Variants in PEG3 observed in about 807,000 individuals in gnomAD.
PEG3 encodes paternally-expressed gene 3 protein.
PEG3 carries 23 observed loss-of-function variants against 35.5 expected under a neutral mutation model. The observed-to-expected ratio is 0.65, with a 90% CI of 0.47 to 0.92. The LOEUF is 0.92. Ranked by LOEUF, PEG3 falls within the 40% of genes least tolerant of loss-of-function variation. The pLI, the probability that PEG3 is intolerant of heterozygous loss-of-function variation, is 0.00. For synonymous variants in PEG3, 707 were observed against 697.0 expected (o/e 1.01, Z -0.23); for missense variants, 1,960 against 1,985.3 (o/e 0.99, Z 0.24).
chr19:56,811,576 A>G lies in PEG3; in HGVS notation c.*2099T>C, dbSNP rs2059544955. The G allele has an allele frequency of 1.0e-6, 1 of 985,226 alleles. No homozygotes were observed. The highest frequency in any genetic ancestry group is 4.7e-5 in the South Asian group (1 of 21,274). The allele number at this position is 985,226 out of a possible 1,614,324, so 61.0% of individuals were successfully genotyped here. A position where few individuals can be genotyped will look rare whatever the true frequency, so the allele number is the denominator to read the frequency against. On this transcript the variant is annotated 3_prime_UTR_variant, in exon 10 of 10. Transcript: ENST00000326441. ...GGAACGGACACCCTGACTTACAGCA[A>G]GTTGCTTTCTGAAAAGGGGCTACCA...
chr19:56,822,590 A>G (rs2060606578), intron 6 of PEG3, 163 bp downstream of exon 6: 16 of 856,854 alleles, frequency 1.9e-5, no homozygotes, highest in Non-Finnish European at 2.7e-5. Flanking sequence ...GGTGGTACCG[A>G]GTGGAACTTC....
In PEG3 at chr19:56,814,974, AT is replaced by A; in HGVS notation, c.3467del (p.Asp1156ValfsTer38). The A allele has an allele frequency of 6.2e-7, 1 of 1,614,098 alleles. No individual in the cohort carries two copies. Among genetic ancestry groups the A allele is most frequent in the Non-Finnish European group, 8.5e-7 (1 of 1,180,008 alleles). On this transcript the variant is annotated frameshift_variant, in exon 10 of 10. Coordinates refer to ENST00000326441, the MANE Select transcript of PEG3 (RefSeq NM_006210.3). LOFTEE classifies it low-confidence loss of function (END_TRUNC). The surrounding 1 kb of genome is among the most constrained non-coding windows in gnomAD (Gnocchi z 5.8). ...ATTCATACAGCTGCTCTCCAGTGTAATCTCTCTGATACTCGCTGATGGAATG... is the reference window on the plus strand; with the variant it reads ...ATTCATACAGCTGCTCTCCAGTGTAACTCTCTGATACTCGCTGATGGAATG... ...HTHSISEYQR[D>X]YTGEQLYECP...
chr19:56,818,702 C>A lies in PEG3; in HGVS notation c.670G>T (p.Asp224Tyr). The A allele has an allele frequency of 6.2e-7, 1 of 1,614,132 alleles. No individual in the cohort carries two copies. Among genetic ancestry groups the A allele is most frequent in the South Asian group, 1.1e-5 (1 of 91,080 alleles). The change falls in exon 8 of 10, where the codon GAT becomes TAT. Residue 224 changes from aspartate to tyrosine, a missense_variant and splice_region_variant. Asp to Tyr is a radical substitution (Grantham distance 160, BLOSUM62 -3). Transcript: ENST00000326441. Reference sequence around the variant, plus strand: ...ACCACATTTTGGTATGATTCAGCATCCTAAAACAGCAAACACAGACCTCTC... The same window carrying A: ...ACCACATTTTGGTATGATTCAGCATACTAAAACAGCAAACACAGACCTCTC... ...DSRAYESRSQDAESYQNVVDL... is the reference protein window; with the variant it reads ...DSRAYESRSQYAESYQNVVDL...
In PEG3 at chr19:56,823,596, A is replaced by C. The variant is rs1427615854; in HGVS notation, c.478T>G (p.Phe160Val). Residue 160 changes from phenylalanine to valine, a missense_variant, in exon 5 of 10, where the codon TTC (phenylalanine) becomes GTC (valine). Physicochemically the swap from Phe to Val is conservative, Grantham distance 50 (BLOSUM62 -1). This residue lies in a region of PEG3 where 613 missense variants were observed against 577.1 expected (regional missense o/e 1.06). Coordinates refer to ENST00000326441, the MANE Select transcript of PEG3 (RefSeq NM_006210.3). ...AGTGGGGATGGGTACTCACCACTGA[A>C]AGAATGGACTGAGTGAGGTGGTGAG... ...ESSPPHSVHS[F>V]SDRDWDRRGR... 2.5e-6 allele frequency: 4 copies of C among 1,614,088 alleles called. No individual in the cohort carries two copies. Among genetic ancestry groups the C allele is most frequent in the Non-Finnish European group, 3.4e-6 (4 of 1,180,008 alleles).
chr19:56,816,359 T>C lies in PEG3; in HGVS notation c.2083A>G (p.Met695Val). The C allele has an allele frequency of 6.2e-7, 1 of 1,614,208 alleles. No individual in the cohort carries two copies. The highest frequency in any genetic ancestry group is 1.1e-5 in the South Asian group (1 of 91,084). The change falls in exon 10 of 10, where the codon ATG becomes GTG. Residue 695 changes from methionine (M) to valine (V), a missense_variant. Coordinates refer to ENST00000326441, the MANE Select transcript of PEG3 (RefSeq NM_006210.3). ...CDFTDGRDAFMQSSELSEHQK... is the reference protein window; with the variant it reads ...CDFTDGRDAFVQSSELSEHQK... ...TGCTCACTGAGCTCTGAGCTTTGCA[T>C]GAAGGCATCCCGGCCATCTGTAAAG...
At position 56,814,592 on chromosome 19, in the gene PEG3, A is replaced by G. The variant is rs1227918487; in HGVS notation, c.3850T>C (p.Cys1284Arg). 4 of 1,614,100 alleles carry G rather than the reference A, an allele frequency of 2.5e-6. No individual in the cohort carries two copies. Among genetic ancestry groups the G allele is most frequent in the Non-Finnish European group, 3.4e-6 (4 of 1,179,994 alleles). The change falls in exon 10 of 10, where the codon TGT (cysteine) becomes CGT (arginine). Residue 1284 changes from cysteine (C) to arginine (R), a missense_variant. Cys to Arg is a radical substitution (Grantham distance 180). Around this residue, in one of 5 missense-constraint regions of PEG3, gnomAD observed 416 missense variants for 416.7 expected, o/e 1.00. Coordinates refer to ENST00000326441, the MANE Select transcript of PEG3 (RefSeq NM_006210.3). The surrounding 1 kb of genome is among the most constrained non-coding windows in gnomAD (Gnocchi z 5.8). ...ACGAAAGATTCTCCACAGACTGCAC[A>G]TTCAAAGAGTCTCTCTTCGGTCTGA... ...RSQTEERLFE[C>R]AVCGESFVNP...
chr19:56,838,462 G>A (rs941492145), intron 1 of PEG3, among the ~76,000 whole-genome samples: 4 of 152,146 alleles, frequency 2.6e-5, no homozygotes, highest in Admixed American at 6.5e-5. Flanking sequence ...CCGGGCCCCA[G>A]CCCTTAGCCC....
intron 3 of PEG3, chr19:56,825,140 C>T (rs2060895228): frequency 6.4e-6 from 1 of 155,284 alleles, no homozygotes; most frequent in Non-Finnish European, 1.4e-5. Flanking sequence ...AAGGCCCTAG[C>T]CAGTACTAAA....
At position 56,817,149 on chromosome 19, in the gene PEG3, C is replaced by G; in HGVS notation, c.1293G>C (p.Leu431=). The change falls in exon 10 of 10, where the codon CTG becomes CTC. Residue 431 remains leucine, a synonymous_variant. Coordinates refer to ENST00000326441, the MANE Select transcript of PEG3 (RefSeq NM_006210.3). ...TAAAGGAGGGGGAGCTGAGGCTGCT[C>G]AGGCTGCTCACGCTCATGGCTTTTC... ...EMRKAMSVSS[L]SSLSSPSFTE... is the part of the protein sequence containing the mutation. 1 of 1,614,172 alleles carries G rather than the reference C, an allele frequency of 6.2e-7. No individual in the cohort carries two copies. The highest frequency in any genetic ancestry group is 8.5e-7 in the Non-Finnish European group (1 of 1,180,008).
chr19:56,830,353 G>A (rs1012819277), intron 2 of PEG3, among the ~76,000 whole-genome samples: 18 of 152,190 alleles, frequency 1.2e-4, no homozygotes, highest in African/African-American at 3.9e-4. Flanking sequence ...GAAAGGGGAA[G>A]GGGAGCCCAC....
At position 56,824,733 on chromosome 19, in the gene PEG3, C is replaced by T; in HGVS notation, c.-78G>A. On this transcript the variant is annotated 5_prime_UTR_variant, in exon 4 of 10. Transcript: ENST00000326441. ...ACGCGGCAGCCTGTGACCGTCAGTA[C>T]TCAGGGACCTGTGGATCGTAAGGAG... is the stretch of plus-strand genomic sequence containing the variant. 1.5e-6 allele frequency: 2 copies of T among 1,366,792 alleles called. No individual in the cohort carries two copies. The highest frequency in any genetic ancestry group is 2.3e-5 in the East Asian group (1 of 43,416). 84.7% of individuals were successfully genotyped at this position (1,366,792 alleles called of 1,614,324 possible). A position where few individuals can be genotyped will look rare whatever the true frequency, so the allele number is the denominator to read the frequency against.
chr19:56,835,466 C>T (rs1053269988), intron 2 of PEG3, among the ~76,000 whole-genome samples: 6 of 152,174 alleles, frequency 3.9e-5, no homozygotes, highest in African/African-American at 9.7e-5. Flanking sequence ...CCCCATGACA[C>T]ACACCATTCA....
At chr19:56,824,914 G>C in intron 3 of PEG3, 173 bp from the exon 4 acceptor site, 1 of 424,516 alleles carries the variant, frequency 2.4e-6, no homozygotes, top group Non-Finnish European at 4.2e-6. Flanking sequence ...ATGACCTCTG[G>C]GCTTCACAGA....
At position 56,813,599 on chromosome 19, in the gene PEG3, G is replaced by A; in HGVS notation, c.*76C>T. 1 of 1,513,672 alleles carries A rather than the reference G, an allele frequency of 6.6e-7. No individual in the cohort carries two copies. Among genetic ancestry groups the A allele is most frequent in the Non-Finnish European group, 8.9e-7 (1 of 1,127,982 alleles). The allele number at this position is 1,513,672 out of a possible 1,614,324, so 93.8% of individuals were successfully genotyped here. On this transcript the variant is annotated 3_prime_UTR_variant, in exon 10 of 10. Coordinates refer to ENST00000326441, the MANE Select transcript of PEG3 (RefSeq NM_006210.3). ...TTAAGTCTCCTACTGACATTATCAT[G>A]GATTGGTTTGGATTCTCTGTGGTTT... is the stretch of plus-strand genomic sequence containing the variant.
rs1403739207 is a variant in PEG3 at position 56,814,852 on chromosome 19, T to A, written c.3590A>T (p.Asp1197Val). The change falls in exon 10 of 10, where the codon GAT becomes GTT. Residue 1197 changes from aspartate (D) to valine (V), a missense_variant. By Grantham distance (152) the Asp-to-Val change is radical. Coordinates refer to ENST00000326441, the MANE Select transcript of PEG3 (RefSeq NM_006210.3). The surrounding 1 kb of genome is among the most constrained non-coding windows in gnomAD (Gnocchi z 5.8). ...QDQLYSMKGCDDGFIALLPMK... is the reference protein window; with the variant it reads ...QDQLYSMKGCVDGFIALLPMK... ...GGGCAAGAGGGCAATAAAACCATCATCACACCCCTTCATGGAATACAACTG... is the reference window on the plus strand; with the variant it reads ...GGGCAAGAGGGCAATAAAACCATCAACACACCCCTTCATGGAATACAACTG... The A allele has an allele frequency of 1.9e-6, 3 of 1,614,022 alleles. No individual in the cohort carries two copies. Among genetic ancestry groups the A allele is most frequent in the South Asian group, 2.2e-5 (2 of 91,076 alleles).
chr19:56,836,969 CAAAAAAAAA>C (rs573566620), intron 1 of PEG3, among the ~76,000 whole-genome samples: 14 of 116,988 alleles, frequency 1.2e-4, no homozygotes, highest in African/African-American at 4.0e-4. Flanking sequence ...GACTCTGTCT[CAAAAAAAAA>C]AAAAAAAAAA....
chr19:56,828,604 G>A, intron 2 of PEG3, among the ~76,000 whole-genome samples: 1 of 152,186 alleles, frequency 6.6e-6, no homozygotes, highest in Admixed American at 6.5e-5. Context: ...CAACTTTTCT[G>A]CACTATAAAA....
Position 56,813,939 on chromosome 19 carries a change from T to TTC in PEG3, c.4501_4502dup (p.Glu1502LysfsTer24). 1 of 1,614,192 alleles carries TTC rather than the reference T, an allele frequency of 6.2e-7. No individual in the cohort carries two copies. The highest frequency in any genetic ancestry group is 8.5e-7 in the Non-Finnish European group (1 of 1,180,032). On this transcript the variant is annotated frameshift_variant, in exon 10 of 10. Coordinates refer to ENST00000326441, the MANE Select transcript of PEG3 (RefSeq NM_006210.3). LOFTEE classifies it low-confidence loss of function (END_TRUNC). ...ATTCATGGCAGTCATAGTATGGTTCTTCTACCTGAATCTCTTGATCTTCAC... is the reference window on the plus strand; with the variant it reads ...ATTCATGGCAGTCATAGTATGGTTCTTCTCTACCTGAATCTCTTGATCTTCAC...
Position 56,817,842 on chromosome 19 carries a change from G to C in PEG3, c.773-7C>G. ...TCGTCTTCAGCAAGCTGCACTCCTG[G>C]TCACAAGGACAATATGATGCCTCAA... is the stretch of plus-strand genomic sequence containing the variant. On this transcript the variant is annotated splice_region_variant and splice_polypyrimidine_tract_variant and intron_variant, in intron 8 of 9. Coordinates refer to ENST00000326441, the MANE Select transcript of PEG3 (RefSeq NM_006210.3). The C allele has an allele frequency of 2.5e-6, 4 of 1,612,258 alleles. No individual in the cohort carries two copies. Among genetic ancestry groups the C allele is most frequent in the Non-Finnish European group, 3.4e-6 (4 of 1,178,616 alleles).
Sources: allele counts gnomAD v4.1 joint callset (sites outside exome capture counted in the v4.1 genomes callset), GRCh38; gene constraint gnomAD v4.1.1; regional missense constraint gnomAD v4.1.1; non-coding constraint Gnocchi (gnomAD v3.1); transcripts MANE v1.5; gene names NCBI Gene and HGNC (gene_info 2026-07-23, HGNC 2026-07-21).